COL26A1: variants seen among roughly 807,000 people sequenced by gnomAD.
The protein encoded by COL26A1 is collagen alpha-1(XXVI) chain.
A neutral mutation model predicts 59.3 loss-of-function variants in COL26A1; 41 were observed. The ratio of observed to expected loss-of-function variants is 0.69; its 90% CI spans 0.54 to 0.90. COL26A1 has a LOEUF of 0.90. COL26A1 is among the 40% of genes least tolerant of loss of function. The pLI is 0.00. For synonymous variants in COL26A1, 266 were observed against 256.0 expected, an observed-to-expected ratio of 1.04 and a Z score of -0.37; for missense variants, 612 against 602.3, an observed-to-expected ratio of 1.02 and a Z score of -0.17.
intron 1 of COL26A1, among the ~76,000 whole-genome samples, chr7:101,391,317 A>AT (rs887940076): frequency 9.9e-5 from 15 of 151,324 alleles, no homozygotes; most frequent in Non-Finnish European, 1.9e-4. Context: ...TATTTTTTTT[A>AT]TTTTTTTTAA....
intron 2 of COL26A1, among the ~76,000 whole-genome samples, chr7:101,443,119 C>T (rs1295042938): frequency 6.6e-6 from 1 of 151,496 alleles, no homozygotes; most frequent in African/African-American, 2.4e-5. Flanking sequence ...CATCGCATAC[C>T]AGAGTCACTT....
chr7:101,380,357 G>A (rs867462534), intron 1 of COL26A1, among the ~76,000 whole-genome samples: 38 of 147,632 alleles, frequency 2.6e-4, no homozygotes, highest in African/African-American at 6.5e-4. Context: ...GTGCAGTGGC[G>A]CTATCTTGGC....
chr7:101,545,424 C>A lies in COL26A1; in HGVS notation c.790C>A (p.Pro264Thr). ...PPGPPGPAGN[P>T]GPSPNSPQGA... ...AGGACCACCCGGCCCAGCAGGCAACCCAGGCCCCTCACCAAACAGCCCCCA... is the reference window on the plus strand; with the variant it reads ...AGGACCACCCGGCCCAGCAGGCAACACAGGCCCCTCACCAAACAGCCCCCA... The change falls in exon 7 of 13, where the codon CCA (proline) becomes ACA (threonine). Residue 264 changes from proline to threonine, a missense_variant. By Grantham distance (38) the Pro-to-Thr change is conservative. Coordinates refer to ENST00000313669, the MANE Select transcript of COL26A1 (RefSeq NM_001278563.3). 1 of 1,608,170 alleles carries A rather than the reference C, an allele frequency of 6.2e-7. No individual in the cohort carries two copies. Among genetic ancestry groups the A allele is most frequent in the Non-Finnish European group, 8.5e-7 (1 of 1,177,948 alleles).
In COL26A1 at chr7:101,457,282, G is replaced by T. The variant is rs186518613; in HGVS notation, c.385+9495G>T. ...AAATATCTCAAAAGACCAATCTTAG[G>T]TTCTACCATAGTTATCTATAGGAGC... On this transcript the variant is annotated intron_variant, in intron 3 of 12. Transcript: ENST00000313669. Among the ~76,000 whole-genome samples, 13 of 152,164 alleles carry T rather than the reference G, an allele frequency of 8.5e-5. 1 individual carries two copies. The East Asian group carries it at 2.3e-3, about 27-fold the overall frequency.
At chr7:101,517,798 A>ATTTTTTTTTTTTT (rs869245512) in intron 3 of COL26A1, among the ~76,000 whole-genome samples, 3 of 76,892 alleles carry the variant, frequency 3.9e-5, no homozygotes, top group Non-Finnish European at 5.1e-5. Context: ...TTCTCCCCGC[A>ATTTTTTTTTTTTT]TTTTTTTTTT....
At chr7:101,500,056 G>GCAA (rs1331334994) in intron 3 of COL26A1, among the ~76,000 whole-genome samples, 1 of 152,152 alleles carries the variant, frequency 6.6e-6, no homozygotes, top group Non-Finnish European at 1.5e-5. Flanking sequence ...TAGCTGTCTT[G>GCAA]TTCTATGGAA....
chr7:101,489,874 C>A (rs1794410540), intron 3 of COL26A1, among the ~76,000 whole-genome samples: 1 of 63,224 alleles, frequency 1.6e-5, no homozygotes, highest in African/African-American at 5.7e-5. Context: ...TTCTTTCTTT[C>A]TTTCTTTCTT....
chr7:101,529,667 A>G (rs761289416), intron 3 of COL26A1, among the ~76,000 whole-genome samples: 7 of 152,206 alleles, frequency 4.6e-5, no homozygotes, highest in Non-Finnish European at 1.0e-4. Context: ...ATAGGTGAGA[A>G]CATGCAATAT....
chr7:101,434,157 G>A (rs1406695907), intron 2 of COL26A1, among the ~76,000 whole-genome samples: 3 of 30,144 alleles, frequency 1.0e-4, no homozygotes, highest in Admixed American at 4.4e-4. Context: ...TTTCTCTCTC[G>A]TTCTTTCTCT....
intron 3 of COL26A1, among the ~76,000 whole-genome samples, chr7:101,525,778 G>A (rs1046019598): frequency 1.3e-5 from 2 of 152,152 alleles, no homozygotes; most frequent in Non-Finnish European, 2.9e-5. Context: ...TTACAGGTGT[G>A]AGCCACTGCA....
Position 101,420,448 on chromosome 7 carries a change from G to A in COL26A1, c.281+349G>A, listed in dbSNP as rs1013555735. Among the ~76,000 whole-genome samples, 4 of 152,102 alleles carry A rather than the reference G, an allele frequency of 2.6e-5. No individual in the cohort carries two copies. In the East Asian group the frequency reaches 5.8e-4, roughly 22 times the overall value. On this transcript the variant is annotated intron_variant, in intron 2 of 12. Transcript: ENST00000313669. ...CAGCCTTATGGCTCCAGGCTGGAAC[G>A]AGGGGCTACAATGACCTTGGAAATC... is the stretch of plus-strand genomic sequence containing the variant.
chr7:101,372,346 A>G (rs1791215242), intron 1 of COL26A1, among the ~76,000 whole-genome samples: 1 of 151,958 alleles, frequency 6.6e-6, no homozygotes, highest in Admixed American at 6.6e-5. Flanking sequence ...TTGTATTTTT[A>G]GTAGAGCTGG....
chr7:101,555,693 G>GA, intron 11 of COL26A1, 94 bp from the exon 12 acceptor site: 1 of 813,660 alleles, frequency 1.2e-6, no homozygotes, highest in Non-Finnish European at 2.0e-6. Flanking sequence ...CAGGGGTGGG[G>GA]GGCTTTGAGG....
At chr7:101,403,527 CAACAA>C (rs140420153) in intron 1 of COL26A1, among the ~76,000 whole-genome samples, 25,731 of 151,470 alleles carry the variant, frequency 0.17, 2,688 homozygotes, top group Non-Finnish European at 0.23. Flanking sequence ...TCAACAACAA[CAACAA>C]AACAAAACAA....
intron 5 of COL26A1, 61 bp downstream of exon 5, chr7:101,540,110 C>T: frequency 6.6e-7 from 1 of 1,517,534 alleles, no homozygotes; most frequent in Admixed American, 2.1e-5. Context: ...GGCATGGCCT[C>T]CCAGGGCCTC....
intron 1 of COL26A1, among the ~76,000 whole-genome samples, chr7:101,378,853 G>C (rs1234100664): frequency 1.3e-5 from 2 of 151,964 alleles, no homozygotes; most frequent in African/African-American, 4.8e-5. Flanking sequence ...GAGTCTTTAT[G>C]ATCGGCTCAG....
rs370436743 is a variant in COL26A1 at position 101,436,104 on chromosome 7, C to T, written c.282-11580C>T. ...TGGGGGCCTGTCTGGGCTGCATCCACTGCACCACCCCGCACCGCCCCCAGG... is the reference window on the plus strand; with the variant it reads ...TGGGGGCCTGTCTGGGCTGCATCCATTGCACCACCCCGCACCGCCCCCAGG... On this transcript the variant is annotated intron_variant, in intron 2 of 12. Transcript: ENST00000313669. Among the ~76,000 whole-genome samples, 37 of 152,326 alleles carry T rather than the reference C, an allele frequency of 2.4e-4. No individual in the cohort carries two copies. The East Asian group carries it at 7.1e-3, about 29-fold the overall frequency.
At chr7:101,379,305 C>A (rs1025620430) in intron 1 of COL26A1, among the ~76,000 whole-genome samples, 3 of 152,168 alleles carry the variant, frequency 2.0e-5, no homozygotes, top group Admixed American at 6.5e-5. Context: ...ACGCTTCACA[C>A]AGGGACTCTG....
chr7:101,378,045 A>G (rs1218978952), intron 1 of COL26A1, among the ~76,000 whole-genome samples: 1 of 152,120 alleles, frequency 6.6e-6, no homozygotes, highest in Admixed American at 6.6e-5. Context: ...AGCTTGGACT[A>G]CAGGTGTGCA....
Sources: allele counts gnomAD v4.1 joint callset (sites outside exome capture counted in the v4.1 genomes callset), GRCh38; gene constraint gnomAD v4.1.1; transcripts MANE v1.5; gene names NCBI Gene and HGNC (gene_info 2026-07-23, HGNC 2026-07-21).